Variants in CSMD1 observed in about 807,000 individuals in gnomAD.
The protein encoded by CSMD1 is CUB and Sushi multiple domains 1, also known as CUB and sushi domain-containing protein 1.
A neutral mutation model predicts 417.5 loss-of-function variants in CSMD1; 213 were observed. That is an observed-to-expected ratio of 0.51 (90% CI 0.46 to 0.57). The LOEUF (loss-of-function observed/expected upper bound fraction) is 0.57, where lower values mean the gene tolerates loss of function less well. Among genes scored for constraint, CSMD1 ranks in the 20% least tolerant of loss-of-function variants. CSMD1 has a pLI of 0.00. For missense variants in CSMD1, 6,923 were observed against 4,529.7 expected (o/e 1.53, Z -15.17); for synonymous variants, 2,862 against 1,736.8 (o/e 1.65, Z -16.11).
At chr8:3,273,570 T>A (rs1478322678) in intron 26 of CSMD1, among the ~76,000 whole-genome samples, 2 of 152,188 alleles carry the variant, frequency 1.3e-5, no homozygotes, top group Non-Finnish European at 2.9e-5. Context: ...CCTGCACTCT[T>A]TTTCGTTGGT....
intron 3 of CSMD1, among the ~76,000 whole-genome samples, chr8:4,355,998 A>G (rs1801408509): frequency 6.6e-6 from 1 of 152,120 alleles, no homozygotes; most frequent in South Asian, 2.1e-4. Context: ...ATTGGGGTAC[A>G]TGTGGCATTT....
At chr8:4,401,411 C>G (rs999105476) in intron 3 of CSMD1, among the ~76,000 whole-genome samples, 15 of 152,226 alleles carry the variant, frequency 9.9e-5, no homozygotes, top group Admixed American at 7.2e-4. Context: ...ATGACCACAA[C>G]TATTTTATAT....
chr8:4,330,574 A>G (rs922704119), intron 3 of CSMD1, among the ~76,000 whole-genome samples: 3 of 148,230 alleles, frequency 2.0e-5, no homozygotes, highest in Non-Finnish European at 4.5e-5. Context: ...TGGGCAACAG[A>G]GTGAAACCCT....
intron 3 of CSMD1, among the ~76,000 whole-genome samples, chr8:4,270,434 C>T (rs1055430639): frequency 2.6e-5 from 4 of 152,104 alleles, no homozygotes; most frequent in Non-Finnish European, 4.4e-5. Flanking sequence ...TTTCTGAAAC[C>T]ATCTATTTTC....
At chr8:3,809,129 G>T (rs915464041) in intron 5 of CSMD1, among the ~76,000 whole-genome samples, 1 of 152,172 alleles carries the variant, frequency 6.6e-6, no homozygotes, top group Non-Finnish European at 1.5e-5. Flanking sequence ...CCTCTATTGG[G>T]AATATCTTCC....
rs773387900 is a variant in CSMD1 at position 4,507,060 on chromosome 8, A to G, written c.303-86995T>C. ...TGCCTTTTCAAAAGGAAATAAACAC[A>G]TATTTAGTAATGCTTATTGATTACC... On this transcript the variant is annotated intron_variant, in intron 2 of 69. Coordinates refer to ENST00000635120, the MANE Select transcript of CSMD1 (RefSeq NM_033225.6). Among the ~76,000 whole-genome samples, 7 of 152,290 alleles carry G rather than the reference A, an allele frequency of 4.6e-5. No homozygotes were observed. The South Asian group carries it at 8.3e-4, about 18-fold the overall frequency.
intron 11 of CSMD1, among the ~76,000 whole-genome samples, chr8:3,476,102 G>A (rs916206638): frequency 2.0e-5 from 3 of 152,140 alleles, no homozygotes; most frequent in Non-Finnish European, 2.9e-5. Context: ...CAGCACTTTC[G>A]GAGGCTGAGG....
At chr8:3,527,812 T>A (rs1797817232) in intron 10 of CSMD1, among the ~76,000 whole-genome samples, 1 of 152,196 alleles carries the variant, frequency 6.6e-6, no homozygotes, top group South Asian at 2.1e-4. Flanking sequence ...TTACAAAACA[T>A]CCTGTTTAAT....
At chr8:4,933,247 G>T (rs982256429) in intron 1 of CSMD1, among the ~76,000 whole-genome samples, 1 of 151,726 alleles carries the variant, frequency 6.6e-6, no homozygotes, top group East Asian at 1.9e-4. Context: ...TGATATGACG[G>T]CACTAGTAAA....
chr8:3,934,420 T>A (rs962328776), intron 5 of CSMD1, among the ~76,000 whole-genome samples: 1 of 152,170 alleles, frequency 6.6e-6, no homozygotes, highest in Non-Finnish European at 1.5e-5. Flanking sequence ...TGAACACCGG[T>A]AGTAATTGTT....
At chr8:4,350,817 G>A (rs1034605592) in intron 3 of CSMD1, among the ~76,000 whole-genome samples, 9 of 152,156 alleles carry the variant, frequency 5.9e-5, no homozygotes, top group African/African-American at 1.9e-4. Flanking sequence ...TTAGCAAGAT[G>A]ACTTTGCTTT....
rs538319339 is a variant in CSMD1, at chr8:4,257,769, G to A, written c.415+162184C>T. On this transcript the variant is annotated intron_variant, in intron 3 of 69. Transcript: ENST00000635120. ...CGTTTGTTAGGCCAAGGATAAAACAGCATCCGCCTCGTAGGAATGCCACTA... is the reference window on the plus strand; with the variant it reads ...CGTTTGTTAGGCCAAGGATAAAACAACATCCGCCTCGTAGGAATGCCACTA... 2.0e-5 allele frequency among the ~76,000 whole-genome samples: 3 copies of A among 152,302 alleles called. No homozygotes were observed. The South Asian group carries it at 6.2e-4, about 32-fold the overall frequency.
intron 1 of CSMD1, among the ~76,000 whole-genome samples, chr8:4,658,090 C>T (rs947499689): frequency 2.0e-5 from 3 of 151,712 alleles, no homozygotes; most frequent in African/African-American, 7.3e-5. Context: ...ATAAACAGAG[C>T]TTAAGAAACA....
At chr8:3,197,700 G>A (rs1405627841) in intron 33 of CSMD1, among the ~76,000 whole-genome samples, 3 of 151,928 alleles carry the variant, frequency 2.0e-5, no homozygotes, top group Admixed American at 6.6e-5. Flanking sequence ...TCCTGACCTC[G>A]TGATCCGCCC....
chr8:3,359,930 A>C (rs1405853419), intron 20 of CSMD1, among the ~76,000 whole-genome samples: 1 of 152,340 alleles, frequency 6.6e-6, no homozygotes, highest in Admixed American at 6.5e-5. Context: ...GAGATAATTC[A>C]CTTCAAAACT....
At chr8:4,132,162 G>A (rs73176344) in intron 3 of CSMD1, among the ~76,000 whole-genome samples, 2 of 142,722 alleles carry the variant, frequency 1.4e-5, no homozygotes, top group African/African-American at 2.6e-5. Flanking sequence ...GCTGTTGCCT[G>A]TTTGTTTATG....
At chr8:4,629,843 T>C (rs1232587546) in intron 2 of CSMD1, among the ~76,000 whole-genome samples, 1 of 152,340 alleles carries the variant, frequency 6.6e-6, no homozygotes, top group Middle Eastern at 3.4e-3. Context: ...TTGCAAACTA[T>C]GTGGCTGTCT....
intron 3 of CSMD1, among the ~76,000 whole-genome samples, chr8:4,378,544 A>G (rs1416918508): frequency 1.3e-5 from 2 of 152,154 alleles, no homozygotes; most frequent in Non-Finnish European, 2.9e-5. Flanking sequence ...CCGTGTGACC[A>G]TTCTTCCTTT....
intron 12 of CSMD1, among the ~76,000 whole-genome samples, chr8:3,427,453 T>C (rs1813923465): frequency 6.6e-6 from 1 of 152,156 alleles, no homozygotes; most frequent in African/African-American, 2.4e-5. Flanking sequence ...TTCCTATATA[T>C]ATATTTTTGA....
Sources: allele counts gnomAD v4.1 joint callset (sites outside exome capture counted in the v4.1 genomes callset), GRCh38; gene constraint gnomAD v4.1.1; transcripts MANE v1.5; gene names NCBI Gene and HGNC (gene_info 2026-07-23, HGNC 2026-07-21).